The following NSMCE2 variants were observed in gnomAD, a reference collection of about 807,000 sequenced individuals.
The protein encoded by NSMCE2 is NSE2 SUMO ligase component of SMC5/6 complex.
A neutral mutation model predicts 23.8 loss-of-function variants in NSMCE2; 24 were observed. The ratio of observed to expected loss-of-function variants is 1.01; its 90% CI spans 0.73 to 1.42. The LOEUF is 1.42. NSMCE2 is among the 40% of genes most tolerant of loss of function. The pLI is 0.00. For synonymous variants in NSMCE2, 92 were observed against 94.1 expected (o/e 0.98, Z 0.13); for missense variants, 284 against 296.5 (o/e 0.96, Z 0.31).
chr8:125,266,181 T>G (rs567232397), intron 5 of NSMCE2, among the ~76,000 whole-genome samples: 1 of 147,932 alleles, frequency 6.8e-6, no homozygotes, highest in East Asian at 2.1e-4. Context: ...AACCTCCGCC[T>G]CCCAGGTTCA....
intron 1 of NSMCE2, among the ~76,000 whole-genome samples, chr8:125,097,250 T>G (rs1817984797): frequency 6.6e-6 from 1 of 152,150 alleles, no homozygotes; most frequent in Admixed American, 6.5e-5. Context: ...ATCTTTAACA[T>G]TTTGCCATAT....
chr8:125,271,463 T>A (rs1827188302), intron 5 of NSMCE2, among the ~76,000 whole-genome samples: 1 of 152,100 alleles, frequency 6.6e-6, no homozygotes, highest in African/African-American at 2.4e-5. Flanking sequence ...CAAGGATAAG[T>A]TTCGGCTTAA....
At chr8:125,249,519 A>G (rs75481712) in intron 5 of NSMCE2, among the ~76,000 whole-genome samples, 3,737 of 152,310 alleles carry the variant, frequency 0.025, 146 homozygotes, top group African/African-American at 0.085. Context: ...ATTTTGGGCA[A>G]AACATTTCTC....
At chr8:125,139,133 ACACTAAGAGC>A (rs1293165905) in intron 3 of NSMCE2, among the ~76,000 whole-genome samples, 2 of 152,200 alleles carry the variant, frequency 1.3e-5, no homozygotes, top group African/African-American at 4.8e-5. Context: ...CTTTGCCATC[ACACTAAGAGC>A]CAAACAAATT....
intron 5 of NSMCE2, among the ~76,000 whole-genome samples, chr8:125,234,026 A>AT (rs1250403622): frequency 1.3e-5 from 2 of 151,090 alleles, no homozygotes; most frequent in African/African-American, 4.9e-5. Context: ...AAAAAAAAAA[A>AT]AAAAAAAATA....
chr8:125,110,762 G>GTTTTTTTT (rs1017002301), intron 3 of NSMCE2, among the ~76,000 whole-genome samples: 4 of 41,820 alleles, frequency 9.6e-5, no homozygotes, highest in Non-Finnish European at 1.3e-4. Flanking sequence ...GGTTGTTGTT[G>GTTTTTTTT]TTTTTTTTTT....
chr8:125,159,406 A>G (rs912397473), intron 4 of NSMCE2, among the ~76,000 whole-genome samples: 1 of 152,176 alleles, frequency 6.6e-6, no homozygotes, highest in Non-Finnish European at 1.5e-5. Context: ...ATATGTTTAG[A>G]TACATAAATA....
intron 5 of NSMCE2, among the ~76,000 whole-genome samples, chr8:125,232,333 A>C (rs1327012205): frequency 6.6e-6 from 1 of 151,986 alleles, no homozygotes; most frequent in African/African-American, 2.4e-5. Context: ...ATTGCATTCC[A>C]GCCTGGGCAA....
chr8:125,349,013 ACACAC>A (rs1812911235), intron 5 of NSMCE2: 1 of 10,456 alleles, frequency 9.6e-5, no homozygotes, highest in Non-Finnish European at 1.7e-4. Context: ...AAAGCAAAAC[ACACAC>A]ACACACACAC....
intron 5 of NSMCE2, among the ~76,000 whole-genome samples, chr8:125,353,312 G>A (rs1813116737): frequency 2.0e-5 from 3 of 152,180 alleles, no homozygotes; most frequent in Admixed American, 2.0e-4. Context: ...TCAGAAATGG[G>A]AGGCAGCAGC....
intron 5 of NSMCE2, among the ~76,000 whole-genome samples, chr8:125,331,076 C>T (rs1380289661): frequency 1.3e-5 from 2 of 152,004 alleles, no homozygotes; most frequent in Non-Finnish European, 2.9e-5. Flanking sequence ...CTGAGGCAGG[C>T]GGATCACGAG....
chr8:125,365,912 CCTCACTTCCAACTGCT>C (rs1813768871), intron 7 of NSMCE2, among the ~76,000 whole-genome samples: 1 of 152,134 alleles, frequency 6.6e-6, no homozygotes, highest in Non-Finnish European at 1.5e-5. Context: ...GGCGCACTGA[CCTCACTTCCAACTGCT>C]CTCCCTCTTG....
chr8:125,148,453 T>C (rs913590189), intron 3 of NSMCE2, among the ~76,000 whole-genome samples: 1 of 152,204 alleles, frequency 6.6e-6, no homozygotes, highest in Admixed American at 6.5e-5. Flanking sequence ...AGAAATTAAC[T>C]CATTTAATCC....
chr8:125,116,000 A>G (rs1355192359), intron 3 of NSMCE2, among the ~76,000 whole-genome samples: 1 of 152,222 alleles, frequency 6.6e-6, no homozygotes, highest in African/African-American at 2.4e-5. Context: ...CACACACCCA[A>G]GTTGCAAATT....
chr8:125,192,448 CAAATG>C (rs1169785908), intron 5 of NSMCE2, among the ~76,000 whole-genome samples: 2 of 151,070 alleles, frequency 1.3e-5, no homozygotes, highest in Non-Finnish European at 2.9e-5. Flanking sequence ...ATTTTGAAGT[CAAATG>C]AAATGTTTCA....
At chr8:125,345,918 G>A (rs1830414731) in intron 5 of NSMCE2, among the ~76,000 whole-genome samples, 1 of 152,220 alleles carries the variant, frequency 6.6e-6, no homozygotes, top group Admixed American at 6.5e-5. Flanking sequence ...CACTTTGGGA[G>A]GCCAAGGCAG....
intron 5 of NSMCE2, among the ~76,000 whole-genome samples, chr8:125,222,865 C>G (rs920271106): frequency 2.0e-5 from 3 of 151,868 alleles, no homozygotes; most frequent in African/African-American, 7.3e-5. Flanking sequence ...GAGTTCAAGA[C>G]CAGCCTAGGC....
intron 5 of NSMCE2, among the ~76,000 whole-genome samples, chr8:125,353,192 T>A (rs890188236): frequency 3.3e-5 from 5 of 152,234 alleles, no homozygotes; most frequent in African/African-American, 9.6e-5. Flanking sequence ...GCAGATTTTC[T>A]GGTGAATTCT....
intron 3 of NSMCE2, among the ~76,000 whole-genome samples, chr8:125,115,846 A>G (rs1818981165): frequency 6.6e-6 from 1 of 152,246 alleles, no homozygotes. Flanking sequence ...GTAGGTGAAG[A>G]AAAGGGAGCT....
Sources: allele counts gnomAD v4.1 joint callset (sites outside exome capture counted in the v4.1 genomes callset), GRCh38; gene constraint gnomAD v4.1.1; transcripts MANE v1.5; gene names NCBI Gene and HGNC (gene_info 2026-07-23, HGNC 2026-07-21).